ARSD: variants seen among roughly 807,000 people sequenced by gnomAD.
ARSD encodes the protein testis tissue sperm-binding protein Li 39a.
ARSD carries 21 observed loss-of-function variants against 32.6 expected under a neutral mutation model. The ratio of observed to expected loss-of-function variants is 0.64; its 90% confidence interval spans 0.46 to 0.93. The LOEUF (loss-of-function observed/expected upper bound fraction) is 0.93. ARSD is among the 40% of genes least tolerant of loss of function. The pLI is 0.00. For missense variants in ARSD, 454 were observed against 520.9 expected, an observed-to-expected ratio of 0.87 and a Z score of 1.25; for synonymous variants, 224 against 237.4, an observed-to-expected ratio of 0.94 and a Z score of 0.52.
intron 8 of ARSD, among the ~76,000 whole-genome samples, chrX:2,909,407 C>T (rs1031838012): frequency 6.3e-5 from 7 of 111,134 alleles, no homozygotes; most frequent in African/African-American, 2.0e-4. Context: ...AGGCTGGTCT[C>T]GAATTCCTGA....
At chrX:2,911,685 A>G (rs1356476628) in intron 6 of ARSD, among the ~76,000 whole-genome samples, 1 of 93,312 alleles carries the variant, frequency 1.1e-5, no homozygotes, top group Non-Finnish European at 2.1e-5. Flanking sequence ...AAAAAAAAAA[A>G]GAAAAAAAAA....
rs766606987 is a variant in ARSD at position 2,920,528 on chromosome X, G to A, written c.439+73C>T. 1.3e-5 allele frequency: 15 copies of A among 1,196,659 alleles called. No individual in the cohort carries two copies. In the East Asian group the frequency reaches 3.3e-4, roughly 26 times the overall value. The stretch of plus-strand genomic sequence containing the variant: ...TGGGACTACAGGCGTGCGCCACCAC[G>A]CCTGGCCTGGGATCTTTTTTATCAC... On this transcript the variant is annotated intron_variant, in intron 4 of 9. Transcript: ENST00000381154.
At chrX:2,916,274 G>A (rs1435524243) in intron 5 of ARSD, among the ~76,000 whole-genome samples, 5 of 110,950 alleles carry the variant, frequency 4.5e-5, no homozygotes, top group Non-Finnish European at 9.4e-5. Flanking sequence ...CAGCTCAGTT[G>A]AGGTCAGGAT....
chrX:2,915,642 A>G lies in ARSD; in HGVS notation c.914T>C (p.Ile305Thr). Reference sequence around the variant, plus strand: ...GAATGCACTCGTGGTCACAAGGGGAATGTGCACATGCAGCAAAGAAAGGAA... The same window carrying G: ...GAATGCACTCGTGGTCACAAGGGGAGTGTGCACATGCAGCAAAGAAAGGAA... ...LLFLSLLHVH[I>T]PLVTTSAFLG... is the part of the protein sequence containing the mutation. Residue 305 changes from isoleucine to threonine, a missense_variant, in exon 6 of 10, where the codon ATT becomes ACT. Physicochemically the swap from Ile to Thr is moderately conservative, Grantham distance 89. Transcript: ENST00000381154. 2 of 1,210,998 alleles carry G rather than the reference A, an allele frequency of 1.7e-6. No homozygotes were observed. The highest frequency in any genetic ancestry group is 2.2e-6 in the Non-Finnish European group (2 of 894,794).
At chrX:2,914,421 G>T (rs768163039) in intron 6 of ARSD, 17 of 378,616 alleles carry the variant, frequency 4.5e-5, no homozygotes, top group South Asian at 2.0e-4. Context: ...GTAGAGATGG[G>T]GGGGGGGGGC....
chrX:2,927,867 G>A (rs2089100633), intron 1 of ARSD, among the ~76,000 whole-genome samples: 1 of 111,566 alleles, frequency 9.0e-6, no homozygotes, highest in African/African-American at 3.3e-5. Context: ...CACCACTTCA[G>A]TTACATGAGG....
chrX:2,916,248 G>A (rs946264035), intron 5 of ARSD, among the ~76,000 whole-genome samples: 3 of 110,646 alleles, frequency 2.7e-5, no homozygotes, highest in Non-Finnish European at 3.8e-5. Flanking sequence ...CCAGCACTTC[G>A]GGAGGCTGAG....
In ARSD at chrX:2,918,664, T is replaced by C. The variant is rs374259528; in HGVS notation, c.440-437A>G. On this transcript the variant is annotated intron_variant, in intron 4 of 9. Coordinates refer to ENST00000381154, the MANE Select transcript of ARSD (RefSeq NM_001669.4). Reference sequence around the variant, plus strand: ...CTGAGGCAGGAGAATGGCGTGAACCTGGGAGGCGGAGCTTACAGTGAGCCG... The same window carrying C: ...CTGAGGCAGGAGAATGGCGTGAACCCGGGAGGCGGAGCTTACAGTGAGCCG... 9.1e-3 allele frequency among the ~76,000 whole-genome samples: 1,000 copies of C among 110,054 alleles called. 11 individuals are homozygous for C. Among genetic ancestry groups the C allele is most frequent in the East Asian group, 0.021 (71 of 3,462 alleles).
At position 2,906,127 on chromosome X, in the gene ARSD, C is replaced by G. The variant is rs2088850137; in HGVS notation, c.*1144G>C. ...GAACACACCCTTCTCTTATTATTTT[C>G]TTTAAGGCATTTTTTTTTTTTTTTT... On this transcript the variant is annotated 3_prime_UTR_variant, in exon 10 of 10. Coordinates refer to ENST00000381154, the MANE Select transcript of ARSD (RefSeq NM_001669.4). The G allele has an allele frequency of 1.1e-5, 1 of 94,259 alleles. No homozygotes were observed. Among genetic ancestry groups the G allele is most frequent in the Admixed American group, 1.2e-4 (1 of 8,529 alleles). The allele number at this position is 94,259 out of a possible 1,213,427, so 7.8% of individuals were successfully genotyped here.
intron 9 of ARSD, among the ~76,000 whole-genome samples, chrX:2,908,286 T>A (rs1255884332): frequency 9.0e-6 from 1 of 111,218 alleles, no homozygotes; most frequent in Non-Finnish European, 1.9e-5. Context: ...ATCTTATATA[T>A]CTATCATCTA....
At chrX:2,924,554 T>A (rs183123733) in intron 2 of ARSD, among the ~76,000 whole-genome samples, 1 of 113,230 alleles carries the variant, frequency 8.8e-6, no homozygotes, top group Non-Finnish European at 1.9e-5. Context: ...AGCGCTCTGC[T>A]GGTAAGGTTG....
intron 5 of ARSD, among the ~76,000 whole-genome samples, chrX:2,917,564 C>A (rs188369781): frequency 9.0e-6 from 1 of 110,654 alleles, no homozygotes; most frequent in African/African-American, 3.3e-5. Context: ...GCCTCGACAT[C>A]CGAGGCTGAA....
At chrX:2,923,551 A>G (rs1475892958) in intron 2 of ARSD, among the ~76,000 whole-genome samples, 2 of 112,083 alleles carry the variant, frequency 1.8e-5, no homozygotes, top group Non-Finnish European at 3.8e-5. Flanking sequence ...GAGATCAAGC[A>G]TGGGCAGGGC....
At chrX:2,925,836 C>T in intron 1 of ARSD, 71 bp from the exon 2 acceptor site, 3 of 1,079,968 alleles carry the variant, frequency 2.8e-6, no homozygotes, top group East Asian at 3.1e-5. Flanking sequence ...TTCAAGGCAG[C>T]TCGCTGGGAA....
At position 2,904,902 on chromosome X, in the gene ARSD, TC is replaced by T. The variant is rs1302724714; in HGVS notation, c.*2368del. ...CCGTGTCCCATGCTCCATAGATGTT[TC>T]TTTTTTTTTTTTTTTTTAATCATTT... On this transcript the variant is annotated 3_prime_UTR_variant, in exon 10 of 10. Transcript: ENST00000381154. 8.0e-5 allele frequency: 21 copies of T among 262,381 alleles called. No individual in the cohort carries two copies. The highest frequency in any genetic ancestry group is 1.3e-4 in the Non-Finnish European group (19 of 142,749). 21.6% of individuals were successfully genotyped at this position (262,381 alleles called of 1,213,427 possible).
chrX:2,908,444 T>C (rs28587311), intron 9 of ARSD, among the ~76,000 whole-genome samples: 16 of 109,165 alleles, frequency 1.5e-4, no homozygotes, highest in African/African-American at 4.7e-4. Flanking sequence ...ATCTATCCAT[T>C]ATCTATCTTA....
At chrX:2,908,198 T>C (rs5939148) in intron 9 of ARSD, among the ~76,000 whole-genome samples, 11,644 of 110,368 alleles carry the variant, frequency 0.11, 762 homozygotes, top group East Asian at 0.44. Context: ...TGTCCATCCA[T>C]CTATTCATCC....
intron 2 of ARSD, 127 bp from the exon 3 acceptor site, chrX:2,922,151 G>A: frequency 1.2e-6 from 1 of 868,827 alleles, no homozygotes; most frequent in Non-Finnish European, 1.6e-6. Flanking sequence ...GTTGCATTAT[G>A]GTCTCCTGCA....
At chrX:2,908,626 C>T (rs775407429) in intron 9 of ARSD, 95 bp downstream of exon 9, 3 of 893,131 alleles carry the variant, frequency 3.4e-6, no homozygotes, top group Non-Finnish European at 3.0e-6. Context: ...ATCCATCCAT[C>T]CATTCATCCA....
Sources: allele counts gnomAD v4.1 joint callset (sites outside exome capture counted in the v4.1 genomes callset), GRCh38; gene constraint gnomAD v4.1.1; transcripts MANE v1.5; gene names NCBI Gene and HGNC (gene_info 2026-07-23, HGNC 2026-07-21).